GRM7: variants seen among roughly 807,000 people sequenced by gnomAD.
GRM7 encodes glutamate metabotropic receptor 7.
GRM7 carries 35 observed loss-of-function variants against 84.5 expected under a neutral mutation model. The observed-to-expected ratio is 0.41, with a 90% CI of 0.32 to 0.55. The LOEUF is 0.55. GRM7 is among the 20% of genes least tolerant of loss of function. The pLI is 0.19. For synonymous variants in GRM7, 487 were observed against 455.1 expected (o/e 1.07, Z -0.89); for missense variants, 1,003 against 1,194.6 (o/e 0.84, Z 2.36).
chr3:7,622,281 C>T (rs932755829), intron 8 of GRM7, among the ~76,000 whole-genome samples: 3 of 152,134 alleles, frequency 2.0e-5, no homozygotes, highest in African/African-American at 7.2e-5. Context: ...CAAAACTCCA[C>T]TCCTGAGCCT....
chr3:6,998,200 C>T lies in GRM7; in HGVS notation c.519+136293C>T, dbSNP rs150422897. Among the ~76,000 whole-genome samples the T allele has an allele frequency of 2.1e-3, 299 of 145,330 alleles. 1 individual carries two copies. In the East Asian group the frequency reaches 0.048, roughly 23 times the overall value. Reference sequence around the variant, plus strand: ...AGGCATTGGTTAAATACACCCATTCCAAATGGGAGAAATTGACCAAAACAA... The same window carrying T: ...AGGCATTGGTTAAATACACCCATTCTAAATGGGAGAAATTGACCAAAACAA... On this transcript the variant is annotated intron_variant, in intron 1 of 9. Transcript: ENST00000357716.
intron 1 of GRM7, among the ~76,000 whole-genome samples, chr3:7,083,184 A>G (rs893475667): frequency 6.6e-6 from 1 of 152,076 alleles, no homozygotes; most frequent in Admixed American, 6.6e-5. Flanking sequence ...GCCTTAGTTT[A>G]GGAAACCAGC....
chr3:7,441,165 TTAA>T (rs762809481), intron 5 of GRM7, among the ~76,000 whole-genome samples: 1 of 152,158 alleles, frequency 6.6e-6, no homozygotes, highest in Non-Finnish European at 1.5e-5. Context: ...ATCTGACCAT[TTAA>T]TAATAGCCAT....
At chr3:6,958,093 G>GTA (rs1693139239) in intron 1 of GRM7, among the ~76,000 whole-genome samples, 1 of 151,922 alleles carries the variant, frequency 6.6e-6, no homozygotes, top group African/African-American at 2.4e-5. Context: ...GTGTGTGTGT[G>GTA]TGTATATATA....
chr3:6,974,164 C>T (rs1264729426), intron 1 of GRM7, among the ~76,000 whole-genome samples: 2 of 152,108 alleles, frequency 1.3e-5, no homozygotes, highest in African/African-American at 4.8e-5. Flanking sequence ...TTCCACAAAG[C>T]CATCAGCCTG....
intron 2 of GRM7, among the ~76,000 whole-genome samples, chr3:7,287,235 C>G (rs1699462652): frequency 6.6e-6 from 1 of 152,148 alleles, no homozygotes. Flanking sequence ...ATCTAAGAAC[C>G]TAAGTATTGA....
intron 1 of GRM7, among the ~76,000 whole-genome samples, chr3:6,961,247 C>T (rs1057061349): frequency 1.3e-5 from 2 of 152,194 alleles, no homozygotes; most frequent in East Asian, 1.9e-4. Context: ...CATAATATCA[C>T]GCTAAAGATA....
At chr3:6,884,132 G>A (rs1695609128) in intron 1 of GRM7, 1 of 152,618 alleles carries the variant, frequency 6.6e-6, no homozygotes, top group South Asian at 2.1e-4. Context: ...TCAGTACAAT[G>A]AATGAATCTG....
intron 8 of GRM7, among the ~76,000 whole-genome samples, chr3:7,634,364 C>CA (rs1393082814): frequency 6.7e-6 from 1 of 148,890 alleles, no homozygotes; most frequent in Admixed American, 6.8e-5. Context: ...GAAACAGCAA[C>CA]AAAAACATTG....
chr3:7,734,701 G>T (rs1389674711), intron 9 of GRM7, among the ~76,000 whole-genome samples: 1 of 152,182 alleles, frequency 6.6e-6, no homozygotes, highest in Non-Finnish European at 1.5e-5. Flanking sequence ...CTGGGAGATG[G>T]AGAAAGTCTC....
At chr3:7,638,901 T>C (rs3792446) in intron 8 of GRM7, among the ~76,000 whole-genome samples, 132,479 of 152,134 alleles carry the variant, frequency 0.87, 57,843 homozygotes, top group African/African-American at 0.94. Context: ...ATCTCCCAAA[T>C]GCTTTTGGTC....
intron 2 of GRM7, among the ~76,000 whole-genome samples, chr3:7,216,012 A>T (rs556371363): frequency 2.6e-5 from 4 of 152,350 alleles, no homozygotes; most frequent in African/African-American, 9.6e-5. Flanking sequence ...TCACTATTTA[A>T]AAAACAATAT....
chr3:7,195,715 G>A (rs1695855654), intron 2 of GRM7, among the ~76,000 whole-genome samples: 1 of 152,146 alleles, frequency 6.6e-6, no homozygotes, highest in African/African-American at 2.4e-5. Flanking sequence ...GAATATTAAA[G>A]AGATAGACTT....
chr3:7,460,532 T>A (rs932105967), intron 6 of GRM7, among the ~76,000 whole-genome samples: 5 of 152,178 alleles, frequency 3.3e-5, no homozygotes, highest in Non-Finnish European at 7.3e-5. Flanking sequence ...TTTGAGTTTG[T>A]AAATGGCATG....
Position 7,415,178 on chromosome 3 carries a change from G to A in GRM7, c.1174+15G>A, listed in dbSNP as rs372923484. ...CAAATGCACAGGTAATTTAATTCTC[G>A]TTGTCCTTCTCCTATTACTCTACGT... On this transcript the variant is annotated intron_variant, in intron 5 of 9. Transcript: ENST00000357716. The A allele has an allele frequency of 2.1e-5, 33 of 1,608,920 alleles. No individual in the cohort carries two copies. The highest frequency in any genetic ancestry group is 1.6e-4 in the East Asian group (7 of 44,798).
intron 5 of GRM7, among the ~76,000 whole-genome samples, chr3:7,447,652 T>C (rs1265428864): frequency 2.0e-5 from 3 of 151,998 alleles, no homozygotes; most frequent in African/African-American, 7.3e-5. Flanking sequence ...GGGTGTGGTG[T>C]GGGGGATTTT....
At chr3:7,224,095 T>C (rs1472988417) in intron 2 of GRM7, among the ~76,000 whole-genome samples, 1 of 152,170 alleles carries the variant, frequency 6.6e-6, no homozygotes, top group African/African-American at 2.4e-5. Flanking sequence ...TACACTCTTA[T>C]AAAGAAATAC....
At chr3:7,344,507 A>C (rs866818287) in intron 4 of GRM7, among the ~76,000 whole-genome samples, 6 of 152,146 alleles carry the variant, frequency 3.9e-5, no homozygotes, top group Middle Eastern at 6.8e-3. Context: ...TGGGCATGTA[A>C]ATTTTTTTTA....
chr3:7,016,623 A>C (rs944531978), intron 1 of GRM7, among the ~76,000 whole-genome samples: 1 of 152,190 alleles, frequency 6.6e-6, no homozygotes, highest in African/African-American at 2.4e-5. Flanking sequence ...AACTGTCAAT[A>C]TCGGTTCCGT....
Sources: gnomAD v4.1 joint callset for allele counts (sites outside exome capture counted in the v4.1 genomes callset) on GRCh38, gnomAD v4.1.1 for gene constraint, MANE v1.5 for transcripts, NCBI Gene and HGNC (gene_info 2026-07-23, HGNC 2026-07-21) for gene names.